The following HMGB1 variants were observed in gnomAD, a reference collection of about 807,000 sequenced individuals.
HMGB1 encodes high mobility group protein B1.
For synonymous variants in HMGB1, 81 were observed against 84.0 expected, an observed-to-expected ratio of 0.96 and a Z score of 0.19; for missense variants, 79 against 253.5, an observed-to-expected ratio of 0.31 and a Z score of 4.67.
At chr13:30,525,307 C>G (rs1465834807) in intron 1 of HMGB1, among the ~76,000 whole-genome samples, 2 of 152,232 alleles carry the variant, frequency 1.3e-5, no homozygotes, top group East Asian at 1.9e-4. Context: ...TTAGAAATGG[C>G]CTTTAGGGAT....
intron 1 of HMGB1, among the ~76,000 whole-genome samples, chr13:30,499,427 C>T (rs958034753): frequency 2.0e-5 from 3 of 152,164 alleles, no homozygotes; most frequent in African/African-American, 7.2e-5. Context: ...GAAAGTCTCT[C>T]GATCATTACT....
At chr13:30,463,856 C>T (rs968943970) in intron 1 of HMGB1, 162 bp from the exon 2 acceptor site, 3 of 579,150 alleles carry the variant, frequency 5.2e-6, no homozygotes, top group Non-Finnish European at 8.7e-6. Context: ...AGATTAAATT[C>T]CTTGAAGGGG....
intron 1 of HMGB1, among the ~76,000 whole-genome samples, chr13:30,520,445 C>T (rs1025426945): frequency 6.6e-5 from 10 of 151,948 alleles, no homozygotes; most frequent in African/African-American, 1.9e-4. Flanking sequence ...CATGGTGAAA[C>T]CCTGTTTCCA....
rs189034241 is a variant in HMGB1 at position 30,463,909 on chromosome 13, G to A, written c.-14-215C>T. On this transcript the variant is annotated intron_variant, in intron 1 of 4. Transcript: ENST00000341423. ...AACAAAACAAAAACAGTCCTTCAGG[G>A]CGATCTCAAAAAGTCTAGACACAAA... is the stretch of plus-strand genomic sequence containing the variant. 741 of 468,500 alleles carry A rather than the reference G, an allele frequency of 1.6e-3. 7 individuals are homozygous for A. In the East Asian group the frequency reaches 0.027, roughly 17 times the overall value. 29.0% of individuals were successfully genotyped at this position (468,500 alleles called of 1,614,324 possible). A position where few individuals can be genotyped will look rare whatever the true frequency, so the allele number is the denominator to read the frequency against.
At chr13:30,476,126 T>TC in intron 1 of HMGB1, among the ~76,000 whole-genome samples, 1 of 149,002 alleles carries the variant, frequency 6.7e-6, no homozygotes, top group East Asian at 2.0e-4. Context: ...TACTTTTTTT[T>TC]TTTTTTTTTT....
At position 30,563,334 on chromosome 13, in the gene HMGB1, C is replaced by T. The variant is rs116493538; in HGVS notation, c.-15+53337G>A. The stretch of plus-strand genomic sequence containing the variant: ...TTAATAAAACATTGCTGTGGCTGGG[C>T]GCAGTGGCTCACACCTGTAATCCTG... On this transcript the variant is annotated intron_variant, in intron 1 of 4. Coordinates refer to the HMGB1 transcript ENST00000405805. 4.7e-3 allele frequency among the ~76,000 whole-genome samples: 714 copies of T among 152,242 alleles called. 3 individuals carry two copies. The highest frequency in any genetic ancestry group is 0.015 in the African/African-American group (610 of 41,538).
At chr13:30,488,186 A>G (rs1195127201) in intron 1 of HMGB1, among the ~76,000 whole-genome samples, 1 of 152,250 alleles carries the variant, frequency 6.6e-6, no homozygotes, top group African/African-American at 2.4e-5. Flanking sequence ...AGGTGGTCAT[A>G]CAAACTTCAT....
At chr13:30,491,339 G>A (rs1307325442) in intron 1 of HMGB1, among the ~76,000 whole-genome samples, 1 of 142,118 alleles carries the variant, frequency 7.0e-6, no homozygotes, top group Non-Finnish European at 1.5e-5. Context: ...CCATAGGAAA[G>A]ACTTTTCAAC....
At chr13:30,489,774 G>A (rs1033514011) in intron 1 of HMGB1, among the ~76,000 whole-genome samples, 7 of 143,186 alleles carry the variant, frequency 4.9e-5, no homozygotes, top group East Asian at 2.1e-4. Flanking sequence ...TCGCTCTGTC[G>A]CCCAGGCTGG....
intron 1 of HMGB1, among the ~76,000 whole-genome samples, chr13:30,494,547 GAC>G (rs1321565622): frequency 6.6e-6 from 1 of 152,170 alleles, no homozygotes; most frequent in Admixed American, 6.5e-5. Context: ...TTTTAGTAGA[GAC>G]AGGGTTTCTT....
intron 1 of HMGB1, among the ~76,000 whole-genome samples, chr13:30,526,100 A>G (rs933084389): frequency 6.6e-5 from 10 of 152,224 alleles, no homozygotes; most frequent in African/African-American, 2.4e-4. Flanking sequence ...TCTGATGCCC[A>G]GGCTGGAAGG....
chr13:30,607,129 G>T (rs1273510871), intron 1 of HMGB1, among the ~76,000 whole-genome samples: 1 of 152,112 alleles, frequency 6.6e-6, no homozygotes, highest in Non-Finnish European at 1.5e-5. Context: ...TAGCCATCTA[G>T]TCCACCTTAT....
intron 1 of HMGB1, chr13:30,464,042 C>T: frequency 4.3e-6 from 4 of 937,350 alleles, no homozygotes; most frequent in Non-Finnish European, 5.1e-6. Flanking sequence ...TTTAAACCAA[C>T]CAAACCAAAG....
intron 1 of HMGB1, 74 bp downstream of exon 1, chr13:30,465,722 G>C (rs1886746239): frequency 1.2e-6 from 1 of 833,134 alleles, no homozygotes; most frequent in South Asian, 5.5e-5. Flanking sequence ...TCCCGGCCGC[G>C]GGGATCCGGC....
At chr13:30,487,613 T>C (rs1438967362) in intron 1 of HMGB1, among the ~76,000 whole-genome samples, 1 of 152,218 alleles carries the variant, frequency 6.6e-6, no homozygotes, top group African/African-American at 2.4e-5. Flanking sequence ...AAATGACTTT[T>C]TTCCCCCTTA....
At chr13:30,462,346 G>A (rs966888673) in intron 4 of HMGB1, 192 bp downstream of exon 4, 26 of 668,532 alleles carry the variant, frequency 3.9e-5, no homozygotes, top group South Asian at 3.0e-4. Context: ...GCCTTTGTCT[G>A]AGTCTGATTA....
At chr13:30,485,566 C>A (rs1887347671) in intron 1 of HMGB1, among the ~76,000 whole-genome samples, 1 of 152,028 alleles carries the variant, frequency 6.6e-6, no homozygotes, top group East Asian at 1.9e-4. Context: ...AGATGGGCAA[C>A]AAAAATAATC....
intron 1 of HMGB1, among the ~76,000 whole-genome samples, chr13:30,529,818 T>C (rs967046295): frequency 6.6e-6 from 1 of 152,190 alleles, no homozygotes; most frequent in African/African-American, 2.4e-5. Context: ...CCAATCTGTC[T>C]CCCACACACA....
At chr13:30,616,414 C>T (rs1175308305) in intron 1 of HMGB1, among the ~76,000 whole-genome samples, 1 of 152,184 alleles carries the variant, frequency 6.6e-6, no homozygotes, top group Non-Finnish European at 1.5e-5. Flanking sequence ...TTTAACTGAA[C>T]CAATTGTTTT....
Sources: allele counts gnomAD v4.1 joint callset (sites outside exome capture counted in the v4.1 genomes callset), GRCh38; gene constraint gnomAD v4.1.1; transcripts MANE v1.5; gene names NCBI Gene and HGNC (gene_info 2026-07-23, HGNC 2026-07-21).